The following EYS variants were observed in gnomAD, a reference collection of about 807,000 sequenced individuals.
EYS encodes the protein EGF-like photoreceptor maintenance factor.
A neutral mutation model predicts 282.1 loss-of-function variants in EYS; 250 were observed. The observed-to-expected ratio is 0.89, with a 90% CI of 0.80 to 0.98. The LOEUF is 0.98. EYS is among the 50% of genes least tolerant of loss of function. The probability of loss-of-function intolerance (pLI) is 0.00; values close to 1 mark genes in which losing one functional copy is unlikely to be tolerated. For synonymous variants in EYS, 1,355 were observed against 1,282.9 expected (o/e 1.06, Z -1.20); for missense variants, 4,016 against 3,709.0 (o/e 1.08, Z -2.15).
intron 26 of EYS, among the ~76,000 whole-genome samples, chr6:64,505,405 T>C (rs1037149866): frequency 6.6e-6 from 1 of 152,216 alleles, no homozygotes; most frequent in African/African-American, 2.4e-5. Flanking sequence ...CCATATTTAT[T>C]TGGAAACTTT....
rs1769218698 is a variant in EYS at position 65,690,913 on chromosome 6, C to T, written c.-448+16222G>A. ...CATGTCCCCACAAAGAACATGAACT[C>T]ATCCTTTTTTATGGCTGCACAGTAT... is the stretch of plus-strand genomic sequence containing the variant. On this transcript the variant is annotated intron_variant, in intron 1 of 42. Coordinates refer to ENST00000503581, the MANE Select transcript of EYS (RefSeq NM_001142800.2). 2.0e-5 allele frequency among the ~76,000 whole-genome samples: 3 copies of T among 150,354 alleles called. 1 individual carries two copies. The highest frequency in any genetic ancestry group is 4.6e-4 in the East Asian group (2 of 4,386).
At chr6:65,567,350 A>G (rs6934650) in intron 2 of EYS, among the ~76,000 whole-genome samples, 8,748 of 150,600 alleles carry the variant, frequency 0.058, 738 homozygotes, top group African/African-American at 0.18. Context: ...TAAAATGGTG[A>G]CCAAAATGAA....
chr6:64,964,611 A>T (rs1770034294), intron 14 of EYS, among the ~76,000 whole-genome samples: 3 of 152,180 alleles, frequency 2.0e-5, no homozygotes, highest in African/African-American at 4.8e-5. Flanking sequence ...GCAATTCATC[A>T]AAGTATGAGC....
intron 26 of EYS, among the ~76,000 whole-genome samples, chr6:64,535,601 G>A (rs199785761): frequency 1.3e-5 from 2 of 151,624 alleles, no homozygotes; most frequent in East Asian, 1.9e-4. Flanking sequence ...ATCAGCCAGT[G>A]TGGTGGTGTG....
intron 31 of EYS, among the ~76,000 whole-genome samples, chr6:64,158,593 T>C (rs1004507673): frequency 4.6e-5 from 7 of 152,192 alleles, no homozygotes; most frequent in Admixed American, 6.5e-5. Flanking sequence ...AATCCCTCTT[T>C]CTGAGCACTT....
At chr6:64,815,589 T>A (rs1481586271) in intron 21 of EYS, among the ~76,000 whole-genome samples, 2 of 152,114 alleles carry the variant, frequency 1.3e-5, no homozygotes, top group South Asian at 2.1e-4. Context: ...GTTTAAAAAT[T>A]TAAAAGGATG....
intron 28 of EYS, among the ~76,000 whole-genome samples, chr6:64,427,868 T>C (rs1191268105): frequency 6.6e-6 from 1 of 152,136 alleles, no homozygotes; most frequent in African/African-American, 2.4e-5. Context: ...ATTTGTAAAA[T>C]GACTTGAATT....
chr6:64,874,968 T>G (rs146820612), intron 19 of EYS, among the ~76,000 whole-genome samples: 1 of 149,298 alleles, frequency 6.7e-6, no homozygotes, highest in Non-Finnish European at 1.5e-5. Context: ...AATGCAGTAC[T>G]GCTCATTCCA....
intron 22 of EYS, among the ~76,000 whole-genome samples, chr6:64,755,497 TACACACACACACACACACACACACAC>T: frequency 7.2e-6 from 1 of 139,020 alleles, no homozygotes; most frequent in Non-Finnish European, 1.6e-5. Flanking sequence ...AGAACATACA[TACACACACACACACACACACACACAC>T]ACACACACAC....
chr6:65,652,256 AT>A (rs1195162909), intron 1 of EYS, among the ~76,000 whole-genome samples: 2 of 152,032 alleles, frequency 1.3e-5, no homozygotes, highest in African/African-American at 2.4e-5. Flanking sequence ...GAAATAATTT[AT>A]TTTTTTGCTC....
chr6:63,873,182 G>A (rs937740944), intron 35 of EYS, among the ~76,000 whole-genome samples: 1 of 140,040 alleles, frequency 7.1e-6, no homozygotes, highest in Non-Finnish European at 1.5e-5. Flanking sequence ...GACACGGTGT[G>A]TGATGTTGCC....
chr6:65,194,033 C>T (rs1301281040), intron 12 of EYS, among the ~76,000 whole-genome samples: 1 of 151,944 alleles, frequency 6.6e-6, no homozygotes, highest in Non-Finnish European at 1.5e-5. Flanking sequence ...TACCAAAATT[C>T]TTCATCTGAT....
chr6:65,301,214 G>T lies in EYS; in HGVS notation c.1767-5095C>A, dbSNP rs1252206363. The stretch of plus-strand genomic sequence containing the variant: ...TATTTTATTGAAAGTCTAGATTTTG[G>T]GCTGGGCGTGGTAACTCATGCCTGT... On this transcript the variant is annotated intron_variant, in intron 11 of 42. Transcript: ENST00000503581. 3.3e-5 allele frequency among the ~76,000 whole-genome samples: 5 copies of T among 152,042 alleles called. No individual in the cohort carries two copies. The East Asian group carries it at 9.7e-4, about 29-fold the overall frequency.
At chr6:65,142,000 A>G (rs560682602) in intron 12 of EYS, among the ~76,000 whole-genome samples, 28 of 152,180 alleles carry the variant, frequency 1.8e-4, no homozygotes, top group Admixed American at 1.8e-3. Context: ...ACAGTACAAT[A>G]TGCAGAGCAA....
At chr6:65,332,538 G>T in intron 11 of EYS, 3 of 812,156 alleles carry the variant, frequency 3.7e-6, no homozygotes, top group Non-Finnish European at 6.0e-6. Context: ...ATTGATCTTA[G>T]TGGTATACAG....
intron 26 of EYS, among the ~76,000 whole-genome samples, chr6:64,442,246 T>C (rs1422819225): frequency 1.3e-5 from 2 of 152,098 alleles, no homozygotes; most frequent in East Asian, 1.9e-4. Context: ...CCCCAGAGAA[T>C]TGTAGAACTT....
At chr6:65,115,692 A>G (rs554916446) in intron 12 of EYS, among the ~76,000 whole-genome samples, 6 of 152,136 alleles carry the variant, frequency 3.9e-5, no homozygotes, top group Admixed American at 1.3e-4. Context: ...AGGTATAGCC[A>G]TTAAACTCAA....
At chr6:64,965,078 T>G (rs1395550151) in intron 14 of EYS, among the ~76,000 whole-genome samples, 2 of 152,092 alleles carry the variant, frequency 1.3e-5, no homozygotes, top group Non-Finnish European at 2.9e-5. Flanking sequence ...TTTACCCTCA[T>G]GCCCAAGGGT....
chr6:65,403,735 A>C (rs1160706803), intron 6 of EYS, among the ~76,000 whole-genome samples: 1 of 152,004 alleles, frequency 6.6e-6, no homozygotes, highest in Non-Finnish European at 1.5e-5. Flanking sequence ...ATAGAGAAGA[A>C]AAATAGAATT....
Sources: allele counts gnomAD v4.1 joint callset (sites outside exome capture counted in the v4.1 genomes callset), GRCh38; gene constraint gnomAD v4.1.1; transcripts MANE v1.5; gene names NCBI Gene and HGNC (gene_info 2026-07-23, HGNC 2026-07-21).